The following CNST variants were observed in gnomAD, a reference collection of about 807,000 sequenced individuals.
The protein encoded by CNST is consortin.
CNST carries 39 observed loss-of-function variants against 72.4 expected under a neutral mutation model. The ratio of observed to expected loss-of-function variants is 0.54; its 90% CI spans 0.42 to 0.70. The LOEUF is 0.70. Ranked by LOEUF, CNST falls within the 30% of genes least tolerant of loss-of-function variation. The pLI is 0.00. For synonymous variants in CNST, 332 were observed against 320.1 expected, an observed-to-expected ratio of 1.04 and a Z score of -0.40; for missense variants, 871 against 868.5, an observed-to-expected ratio of 1.00 and a Z score of -0.04.
At chr1:246,580,946 C>T (rs1660742977) in intron 1 of CNST, among the ~76,000 whole-genome samples, 1 of 152,084 alleles carries the variant, frequency 6.6e-6, no homozygotes, top group Non-Finnish European at 1.5e-5. Flanking sequence ...ACCATGTTGG[C>T]CAGGCTGGTC....
chr1:246,643,159 T>G (rs1665833472), intron 8 of CNST, among the ~76,000 whole-genome samples: 1 of 152,044 alleles, frequency 6.6e-6, no homozygotes, highest in Non-Finnish European at 1.5e-5. Flanking sequence ...CACAAAGTCC[T>G]GGAATTACAG....
chr1:246,574,333 T>G (rs1341322536), intron 1 of CNST, among the ~76,000 whole-genome samples: 2 of 152,156 alleles, frequency 1.3e-5, no homozygotes, highest in African/African-American at 4.8e-5. Context: ...GAGCCACCGC[T>G]CCCAGCCGCT....
chr1:246,627,654 A>G (rs933785333), intron 3 of CNST, among the ~76,000 whole-genome samples: 7 of 152,186 alleles, frequency 4.6e-5, no homozygotes, highest in African/African-American at 1.2e-4. Context: ...AGGCTTTTCT[A>G]TCATTTTCCT....
chr1:246,608,668 C>T (rs969011037), intron 2 of CNST, among the ~76,000 whole-genome samples: 25 of 152,202 alleles, frequency 1.6e-4, no homozygotes, highest in African/African-American at 6.0e-4. Flanking sequence ...CCTGCTTTTA[C>T]AACCTAAGCA....
At chr1:246,580,868 G>A (rs1487842001) in intron 1 of CNST, among the ~76,000 whole-genome samples, 1 of 151,960 alleles carries the variant, frequency 6.6e-6, no homozygotes, top group East Asian at 1.9e-4. Context: ...AGCTTCCTGA[G>A]TAACTGGGAT....
chr1:246,589,435 G>T (rs1193808880), intron 1 of CNST, among the ~76,000 whole-genome samples: 2 of 151,930 alleles, frequency 1.3e-5, no homozygotes, highest in Admixed American at 6.6e-5. Context: ...CCCTACAAAG[G>T]ACATGAACTC....
At chr1:246,665,643 G>T (rs1257880142) in intron 10 of CNST, 57 bp from the exon 11 acceptor site, 1 of 1,389,442 alleles carries the variant, frequency 7.2e-7, no homozygotes, top group Non-Finnish European at 1.0e-6. Context: ...AAAGACAGCA[G>T]ATGCTAAGAT....
At chr1:246,579,016 TA>T (rs1205428193) in intron 1 of CNST, among the ~76,000 whole-genome samples, 2 of 152,270 alleles carry the variant, frequency 1.3e-5, no homozygotes, top group Admixed American at 6.5e-5. Context: ...GCGTAAGCAC[TA>T]TATAAATGTG....
chr1:246,608,450 TA>T (rs1663071525), intron 2 of CNST, among the ~76,000 whole-genome samples: 15 of 152,256 alleles, frequency 9.9e-5, no homozygotes, highest in African/African-American at 3.4e-4. Flanking sequence ...GTAAAATGTC[TA>T]ATCAAACTTC....
chr1:246,576,517 A>G (rs1159643235), intron 1 of CNST, among the ~76,000 whole-genome samples: 3 of 147,776 alleles, frequency 2.0e-5, no homozygotes, highest in Non-Finnish European at 3.0e-5. Flanking sequence ...TTTTTCTGAG[A>G]TGGAGTCTCA....
intron 10 of CNST, among the ~76,000 whole-genome samples, chr1:246,661,634 A>G (rs1056924724): frequency 5.3e-5 from 8 of 152,236 alleles, no homozygotes; most frequent in Non-Finnish European, 7.3e-5. Flanking sequence ...GTAGTGAACA[A>G]TGCTGCCTTT....
chr1:246,664,051 T>C (rs904053495), intron 10 of CNST, among the ~76,000 whole-genome samples: 1 of 152,210 alleles, frequency 6.6e-6, no homozygotes, highest in Non-Finnish European at 1.5e-5. Flanking sequence ...TGTAAAAATA[T>C]ATGCTAATTA....
At chr1:246,642,139 T>G (rs1405546529) in intron 8 of CNST, 102 bp downstream of exon 8, 6 of 594,336 alleles carry the variant, frequency 1.0e-5, no homozygotes, top group South Asian at 5.4e-5. Context: ...TCTGGTTTTT[T>G]TTTTTTTTTT....
intron 10 of CNST, 92 bp downstream of exon 10, chr1:246,660,426 T>C: frequency 7.1e-7 from 1 of 1,415,376 alleles, no homozygotes; most frequent in South Asian, 1.3e-5. Flanking sequence ...ACTAACAGGA[T>C]TTGTAAAAGA....
At chr1:246,582,670 G>A (rs760106802) in intron 1 of CNST, among the ~76,000 whole-genome samples, 10 of 152,198 alleles carry the variant, frequency 6.6e-5, no homozygotes, top group South Asian at 2.1e-4. Context: ...TATCAGGCTC[G>A]TCACTACTTT....
chr1:246,572,765 G>A (rs192262493), intron 1 of CNST, among the ~76,000 whole-genome samples: 8 of 152,264 alleles, frequency 5.3e-5, no homozygotes, highest in African/African-American at 1.9e-4. Flanking sequence ...GTTTCGCCAT[G>A]TTGCCTAGGG....
At chr1:246,581,281 T>G (rs935086824) in intron 1 of CNST, among the ~76,000 whole-genome samples, 2 of 152,170 alleles carry the variant, frequency 1.3e-5, no homozygotes, top group Non-Finnish European at 2.9e-5. Flanking sequence ...ATCTTTTTTT[T>G]TGAGACGGAG....
At chr1:246,590,182 C>A (rs1250775498) in intron 1 of CNST, among the ~76,000 whole-genome samples, 1 of 152,120 alleles carries the variant, frequency 6.6e-6, no homozygotes, top group East Asian at 1.9e-4. Context: ...TAAGGGCTTA[C>A]AACTCTAAGG....
rs570714564 is a variant in CNST, at chr1:246,640,912, C to G, written c.819-837C>G. On this transcript the variant is annotated intron_variant, in intron 6 of 10. Coordinates refer to ENST00000366513, the MANE Select transcript of CNST (RefSeq NM_152609.3). ...TAGACGTATATGTCTATGTCACTAC[C>G]ACTCTGAGCAAGGTACAAGATATGG... Among the ~76,000 whole-genome samples, 3 of 152,212 alleles carry G rather than the reference C, an allele frequency of 2.0e-5. No individual in the cohort carries two copies. In the South Asian group the frequency reaches 6.2e-4, roughly 32 times the overall value.
Sources: allele counts gnomAD v4.1 joint callset (sites outside exome capture counted in the v4.1 genomes callset), GRCh38; gene constraint gnomAD v4.1.1; transcripts MANE v1.5; gene names NCBI Gene and HGNC (gene_info 2026-07-23, HGNC 2026-07-21).